The following PDHX variants were observed in gnomAD, a reference collection of about 807,000 sequenced individuals.
The protein encoded by PDHX is pyruvate dehydrogenase complex component X, also known as pyruvate dehydrogenase protein X component, mitochondrial.
PDHX carries 33 observed loss-of-function variants against 55.3 expected under a neutral mutation model. The ratio of observed to expected loss-of-function variants is 0.60; its 90% CI spans 0.45 to 0.80. The LOEUF (loss-of-function observed/expected upper bound fraction) is 0.80. PDHX is among the 30% of genes least tolerant of loss of function. The pLI, the probability that PDHX is intolerant of heterozygous loss-of-function variation, is 0.00. For missense variants in PDHX, 622 were observed against 619.9 expected (o/e 1.00, Z -0.04); for synonymous variants, 226 against 219.4 (o/e 1.03, Z -0.27).
intron 7 of PDHX, among the ~76,000 whole-genome samples, chr11:34,975,794 T>C (rs1855356585): frequency 6.6e-6 from 1 of 152,218 alleles, no homozygotes; most frequent in African/African-American, 2.4e-5. Flanking sequence ...GATTTTGTAA[T>C]TTATCCTGCT....
At chr11:34,939,060 A>G (rs1465584936) in intron 2 of PDHX, among the ~76,000 whole-genome samples, 1 of 152,224 alleles carries the variant, frequency 6.6e-6, no homozygotes, top group Non-Finnish European at 1.5e-5. Flanking sequence ...GCTTTTCATT[A>G]ACACTTATTT....
chr11:34,934,571 A>ATTTTTTT (rs35227178), intron 2 of PDHX, among the ~76,000 whole-genome samples: 9 of 92,412 alleles, frequency 9.7e-5, no homozygotes, highest in African/African-American at 1.8e-4. Flanking sequence ...GATATTATGG[A>ATTTTTTT]TTTTTTTTTT....
intron 3 of PDHX, among the ~76,000 whole-genome samples, chr11:34,952,779 A>C (rs1854807206): frequency 6.7e-6 from 1 of 148,866 alleles, no homozygotes; most frequent in South Asian, 2.1e-4. Context: ...GAAAACGGGC[A>C]CAAGACAGGG....
chr11:34,967,296 TG>T (rs1404638419), intron 6 of PDHX, among the ~76,000 whole-genome samples: 21 of 152,366 alleles, frequency 1.4e-4, no homozygotes, highest in African/African-American at 5.0e-4. Flanking sequence ...CCAAATGCTT[TG>T]TTTTACAGAT....
intron 7 of PDHX, among the ~76,000 whole-genome samples, chr11:34,972,395 A>ATT (rs35664323): frequency 8.2e-5 from 12 of 145,900 alleles, no homozygotes; most frequent in East Asian, 2.0e-4. Flanking sequence ...ACAAATGTTG[A>ATT]TTTTTTTTTT....
At chr11:34,949,503 C>T (rs1052653173) in intron 3 of PDHX, among the ~76,000 whole-genome samples, 1 of 152,154 alleles carries the variant, frequency 6.6e-6, no homozygotes, top group African/African-American at 2.4e-5. Flanking sequence ...TCCCAAAGTG[C>T]TAGGATTATA....
chr11:34,953,663 T>A (rs1466163475), intron 3 of PDHX, among the ~76,000 whole-genome samples: 1 of 152,200 alleles, frequency 6.6e-6, no homozygotes, highest in Admixed American at 6.5e-5. Flanking sequence ...TGGATATAAT[T>A]TACAGATTTG....
intron 5 of PDHX, among the ~76,000 whole-genome samples, chr11:34,962,534 T>A (rs1008740060): frequency 3.3e-5 from 5 of 152,152 alleles, no homozygotes; most frequent in Non-Finnish European, 5.9e-5. Context: ...GGTATTGGGA[T>A]CAATGAGATG....
chr11:34,927,114 A>T (rs1854044087), intron 1 of PDHX, among the ~76,000 whole-genome samples: 1 of 152,124 alleles, frequency 6.6e-6, no homozygotes, highest in Admixed American at 6.5e-5. Flanking sequence ...ATAGTCATTT[A>T]AAAATTTTTA....
chr11:34,967,024 G>GTA (rs1855151120), intron 6 of PDHX, among the ~76,000 whole-genome samples: 1 of 151,834 alleles, frequency 6.6e-6, no homozygotes, highest in Admixed American at 6.6e-5. Context: ...CCTAATTTTT[G>GTA]TATTTTTAGT....
intron 2 of PDHX, among the ~76,000 whole-genome samples, chr11:34,939,692 A>C (rs1316359976): frequency 6.6e-6 from 1 of 151,962 alleles, no homozygotes; most frequent in African/African-American, 2.4e-5. Context: ...ACTCATTTTT[A>C]TTTTCTTTTT....
chr11:34,917,186 G>T (rs552944308), intron 1 of PDHX, among the ~76,000 whole-genome samples: 193 of 152,284 alleles, frequency 1.3e-3, no homozygotes, highest in Non-Finnish European at 2.1e-3. Flanking sequence ...AGCTGCCCAA[G>T]GTTGCCGAGA....
At chr11:34,968,958 T>C (rs1855194793) in intron 6 of PDHX, among the ~76,000 whole-genome samples, 1 of 152,112 alleles carries the variant, frequency 6.6e-6, no homozygotes, top group Non-Finnish European at 1.5e-5. Context: ...ATTTTTTGAC[T>C]TCACGATGGT....
intron 8 of PDHX, among the ~76,000 whole-genome samples, chr11:34,980,352 CTTTTT>C (rs57927359): frequency 1.3e-5 from 1 of 74,822 alleles, no homozygotes; most frequent in Admixed American, 1.6e-4. Context: ...AAGATAGTTT[CTTTTT>C]TTTTTTTTTG....
Position 34,980,432 on chromosome 11 carries a change from G to A in PDHX, c.1023+2250G>A, listed in dbSNP as rs1485192563. 5.1e-5 allele frequency among the ~76,000 whole-genome samples: 7 copies of A among 137,302 alleles called. No individual in the cohort carries two copies. In the South Asian group the frequency reaches 9.5e-4, roughly 19 times the overall value. The allele number at this position is 137,302 out of a possible 152,430, so 90.1% of individuals were successfully genotyped here. Reference sequence around the variant, plus strand: ...GCTTCCACAGCATGGAAGGGGACCCGAGTGGATTGCCCTAAGATAATAGAT... The same window carrying A: ...GCTTCCACAGCATGGAAGGGGACCCAAGTGGATTGCCCTAAGATAATAGAT... On this transcript the variant is annotated intron_variant, in intron 8 of 10. Transcript: ENST00000227868.
chr11:34,953,761 T>C (rs1854838258), intron 3 of PDHX, among the ~76,000 whole-genome samples: 1 of 152,242 alleles, frequency 6.6e-6, no homozygotes, highest in African/African-American at 2.4e-5. Context: ...CATACTTGTC[T>C]TGTGATCTTG....
At chr11:34,917,552 G>C (rs1853761671) in intron 1 of PDHX, among the ~76,000 whole-genome samples, 1 of 152,168 alleles carries the variant, frequency 6.6e-6, no homozygotes, top group African/African-American at 2.4e-5. Context: ...GGGAGGCGGG[G>C]ATGGAGAATA....
At chr11:34,983,619 A>G (rs1590768537) in intron 8 of PDHX, among the ~76,000 whole-genome samples, 1 of 150,772 alleles carries the variant, frequency 6.6e-6, no homozygotes, top group East Asian at 1.9e-4. Flanking sequence ...AATCATTCTT[A>G]TACACCAATA....
intron 8 of PDHX, among the ~76,000 whole-genome samples, chr11:34,981,069 T>C (rs917006573): frequency 4.6e-5 from 7 of 152,250 alleles, no homozygotes; most frequent in African/African-American, 1.7e-4. Context: ...TACATATGTA[T>C]ACATGTGCCG....
Sources: gnomAD v4.1 joint callset for allele counts (sites outside exome capture counted in the v4.1 genomes callset) on GRCh38, gnomAD v4.1.1 for gene constraint, MANE v1.5 for transcripts, NCBI Gene and HGNC (gene_info 2026-07-23, HGNC 2026-07-21) for gene names.